SPON1: variants seen among roughly 807,000 people sequenced by gnomAD.
SPON1 encodes spondin 1, also known as spondin-1.
In SPON1, 52 loss-of-function variants were observed where a neutral mutation model predicts 111.7. The ratio of observed to expected loss-of-function variants is 0.47; its 90% CI spans 0.37 to 0.59. The LOEUF is 0.59. Ranked by LOEUF, SPON1 falls within the 20% of genes least tolerant of loss-of-function variation. SPON1 has a pLI of 0.00. For missense variants in SPON1, 957 were observed against 1,068.5 expected, an observed-to-expected ratio of 0.90 and a Z score of 1.46; for synonymous variants, 410 against 395.8, an observed-to-expected ratio of 1.04 and a Z score of -0.43.
chr11:14,168,424 A>C (rs1848056374), intron 6 of SPON1, among the ~76,000 whole-genome samples: 1 of 152,202 alleles, frequency 6.6e-6, no homozygotes, highest in South Asian at 2.1e-4. Flanking sequence ...AATTAATCAG[A>C]GCTCTTTTAT....
intron 2 of SPON1, among the ~76,000 whole-genome samples, chr11:14,026,221 A>G (rs1211417656): frequency 6.6e-6 from 1 of 152,298 alleles, no homozygotes. Context: ...TTCTCTTCAG[A>G]TATTTGATTT....
chr11:14,041,283 CA>C lies in SPON1; in HGVS notation c.346-236del, dbSNP rs543007111. Among the ~76,000 whole-genome samples the C allele has an allele frequency of 4.5e-3, 682 of 152,218 alleles. 1 individual carries two copies. Among genetic ancestry groups the C allele is most frequent in the South Asian group, 0.013 (62 of 4,818 alleles). Reference sequence around the variant, plus strand: ...TGGTTAATTCCTCAAAGTGCTGACACAAGATTTGGTCCCAGAGAGCAAAGAT... The same window carrying C: ...TGGTTAATTCCTCAAAGTGCTGACACAGATTTGGTCCCAGAGAGCAAAGAT... On this transcript the variant is annotated intron_variant, in intron 2 of 15. Transcript: ENST00000576479.
At chr11:14,002,135 G>C (rs967532589) in intron 2 of SPON1, among the ~76,000 whole-genome samples, 1 of 152,168 alleles carries the variant, frequency 6.6e-6, no homozygotes, top group African/African-American at 2.4e-5. Flanking sequence ...GAGTAGATAG[G>C]ATTACACAGG....
At chr11:14,134,160 A>T (rs1160495891) in intron 5 of SPON1, among the ~76,000 whole-genome samples, 2 of 151,974 alleles carry the variant, frequency 1.3e-5, no homozygotes, top group South Asian at 2.1e-4. Flanking sequence ...GGGTTCACCC[A>T]GTTCAAGTTT....
intron 4 of SPON1, among the ~76,000 whole-genome samples, chr11:14,079,693 CT>C (rs1554921850): frequency 2.3e-4 from 35 of 150,784 alleles, no homozygotes; most frequent in Admixed American, 1.5e-3. Context: ...AAAAAGCTCT[CT>C]TTTTTTTTTT....
chr11:14,090,669 C>T (rs1242237197), intron 5 of SPON1, among the ~76,000 whole-genome samples: 3 of 151,954 alleles, frequency 2.0e-5, no homozygotes, highest in Admixed American at 2.0e-4. Context: ...CAGATCTTCA[C>T]GGTGAGTGTT....
chr11:14,190,784 G>C (rs1591405400), intron 6 of SPON1, among the ~76,000 whole-genome samples: 1 of 151,650 alleles, frequency 6.6e-6, no homozygotes, highest in East Asian at 1.9e-4. Context: ...AGGATTAAAG[G>C]GGCCCGCCAC....
chr11:14,196,465 TGTTATATAA>T (rs1348845465), intron 6 of SPON1, among the ~76,000 whole-genome samples: 4 of 152,192 alleles, frequency 2.6e-5, no homozygotes, highest in Non-Finnish European at 5.9e-5. Flanking sequence ...GTAAATTGTA[TGTTATATAA>T]AATATATCCC....
At chr11:14,114,004 A>G (rs1204425262) in intron 5 of SPON1, among the ~76,000 whole-genome samples, 2 of 152,214 alleles carry the variant, frequency 1.3e-5, no homozygotes, top group African/African-American at 2.4e-5. Context: ...TAAACACATC[A>G]TGGGTAATGG....
chr11:14,118,776 C>T (rs550401963), intron 5 of SPON1, among the ~76,000 whole-genome samples: 5 of 152,230 alleles, frequency 3.3e-5, no homozygotes, highest in Admixed American at 6.5e-5. Flanking sequence ...AGCTGTGGAT[C>T]CCCAGTGGAG....
intron 2 of SPON1, among the ~76,000 whole-genome samples, chr11:14,036,047 C>T (rs1258100513): frequency 1.3e-5 from 2 of 152,126 alleles, no homozygotes; most frequent in Non-Finnish European, 2.9e-5. Context: ...GGAGAAGACA[C>T]CTGACCAGTG....
At chr11:14,206,413 G>A (rs971058094) in intron 6 of SPON1, among the ~76,000 whole-genome samples, 9 of 152,178 alleles carry the variant, frequency 5.9e-5, no homozygotes, top group African/African-American at 1.2e-4. Flanking sequence ...GGCTGGTCTC[G>A]AACTCCTGAC....
At chr11:14,219,034 T>C (rs1056011403) in intron 6 of SPON1, among the ~76,000 whole-genome samples, 1 of 152,150 alleles carries the variant, frequency 6.6e-6, no homozygotes, top group East Asian at 1.9e-4. Context: ...GGAGCTCTCT[T>C]TGAATTTATT....
chr11:14,123,078 G>T, intron 5 of SPON1, among the ~76,000 whole-genome samples: 1 of 151,818 alleles, frequency 6.6e-6, no homozygotes, highest in East Asian at 1.9e-4. Flanking sequence ...CTACAGGCAG[G>T]CACCACCATG....
chr11:14,078,347 T>C (rs1591369425), intron 4 of SPON1, among the ~76,000 whole-genome samples: 2 of 152,190 alleles, frequency 1.3e-5, no homozygotes, highest in Admixed American at 6.5e-5. Context: ...GTTGGCCTTC[T>C]TTTGGTTTTT....
rs543489945 is a variant in SPON1, at chr11:14,114,886, G to A, written c.677-20534G>A. ...CATATGTAGGATTTAGAGCACAAAC[G>A]TGACAGTGAATTTTTGTTAAAGTAA... On this transcript the variant is annotated intron_variant, in intron 5 of 15. Transcript: ENST00000576479. Among the ~76,000 whole-genome samples, 18 of 152,246 alleles carry A rather than the reference G, an allele frequency of 1.2e-4. No homozygotes were observed. The East Asian group carries it at 2.3e-3, about 20-fold the overall frequency.
chr11:14,233,090 A>G (rs1453885995), intron 6 of SPON1, among the ~76,000 whole-genome samples: 1 of 151,832 alleles, frequency 6.6e-6, no homozygotes, highest in Non-Finnish European at 1.5e-5. Context: ...GGTTTTAACT[A>G]CCAGTCTCTA....
intron 6 of SPON1, among the ~76,000 whole-genome samples, chr11:14,223,573 T>C (rs1848704803): frequency 6.6e-6 from 1 of 152,232 alleles, no homozygotes; most frequent in Admixed American, 6.5e-5. Context: ...TTCGGTTCTG[T>C]CGGTGTATCT....
intron 6 of SPON1, among the ~76,000 whole-genome samples, chr11:14,231,779 G>A (rs1278381023): frequency 6.6e-6 from 1 of 151,782 alleles, no homozygotes; most frequent in Non-Finnish European, 1.5e-5. Flanking sequence ...TTTTAATGGT[G>A]AATCCAAAGA....
Sources: gnomAD v4.1 joint callset for allele counts (sites outside exome capture counted in the v4.1 genomes callset) on GRCh38, gnomAD v4.1.1 for gene constraint, MANE v1.5 for transcripts, NCBI Gene and HGNC (gene_info 2026-07-23, HGNC 2026-07-21) for gene names.